The following WDR93 variants were observed in gnomAD, a reference collection of about 807,000 sequenced individuals.
The protein encoded by WDR93 is WD repeat-containing protein 93.
WDR93 carries 73 observed loss-of-function variants against 82.9 expected under a neutral mutation model. That is an observed-to-expected ratio of 0.88 (90% CI 0.73 to 1.07). WDR93 has a LOEUF of 1.07. WDR93 is among the 50% of genes least tolerant of loss of function. The pLI, the probability that WDR93 is intolerant of heterozygous loss-of-function variation, is 0.00. For synonymous variants in WDR93, 283 were observed against 300.1 expected, an observed-to-expected ratio of 0.94 and a Z score of 0.59; for missense variants, 738 against 826.0, an observed-to-expected ratio of 0.89 and a Z score of 1.31.
intron 4 of WDR93, among the ~76,000 whole-genome samples, chr15:89,709,977 G>A (rs962219249): frequency 3.9e-5 from 6 of 152,054 alleles, no homozygotes; most frequent in African/African-American, 7.2e-5. Context: ...TGGCTAACAC[G>A]GTGAAACCCC....
intron 4 of WDR93, among the ~76,000 whole-genome samples, chr15:89,709,320 G>T (rs1326373428): frequency 6.6e-6 from 1 of 151,880 alleles, no homozygotes; most frequent in Non-Finnish European, 1.5e-5. Context: ...GCAGGGTGGG[G>T]GTGATTTATT....
chr15:89,714,528 G>A (rs544664586), intron 5 of WDR93, among the ~76,000 whole-genome samples: 21 of 152,134 alleles, frequency 1.4e-4, no homozygotes, highest in Admixed American at 3.3e-4. Context: ...GTTTCACCAT[G>A]TTGGCCAGGC....
chr15:89,730,705 G>C (rs1033209500), intron 11 of WDR93, among the ~76,000 whole-genome samples: 3 of 152,102 alleles, frequency 2.0e-5, no homozygotes, highest in Non-Finnish European at 2.9e-5. Flanking sequence ...AAACCAGTCT[G>C]GGCAACATAG....
intron 16 of WDR93, among the ~76,000 whole-genome samples, chr15:89,740,234 C>A (rs1481876270): frequency 6.6e-6 from 1 of 152,188 alleles, no homozygotes; most frequent in African/African-American, 2.4e-5. Context: ...AACATTACCA[C>A]TAGGTGGCAC....
chr15:89,711,879 T>A, intron 4 of WDR93, 147 bp from the exon 5 acceptor site: 1 of 462,828 alleles, frequency 2.2e-6, no homozygotes, highest in Non-Finnish European at 3.8e-6. Flanking sequence ...TGTACAAAAA[T>A]GGGAAGTATG....
intron 5 of WDR93, among the ~76,000 whole-genome samples, 157 bp from the exon 6 acceptor site, chr15:89,714,823 A>G (rs912702631): frequency 2.0e-5 from 3 of 152,178 alleles, no homozygotes; most frequent in African/African-American, 7.2e-5. Context: ...TGCAATAACC[A>G]TTGCAGAACT....
chr15:89,709,465 AAAC>A (rs1346550815), intron 4 of WDR93, among the ~76,000 whole-genome samples: 3 of 152,046 alleles, frequency 2.0e-5, no homozygotes, highest in South Asian at 2.1e-4. Flanking sequence ...GAAAATGTAA[AAAC>A]AAGCCAAAGA....
chr15:89,718,420 G>C (rs920125543), intron 7 of WDR93, among the ~76,000 whole-genome samples: 4 of 150,640 alleles, frequency 2.7e-5, no homozygotes, highest in African/African-American at 9.8e-5. Flanking sequence ...GTTGCAGTGA[G>C]CCGAGATCAC....
At position 89,711,774 on chromosome 15, in the gene WDR93, G is replaced by T. The variant is rs184935991; in HGVS notation, c.562-252G>T. Reference sequence around the variant, plus strand: ...GAGGAGATCCAATAGTATGCCAGATGTCACCAGGAGCATTTAAGAAACCAG... The same window carrying T: ...GAGGAGATCCAATAGTATGCCAGATTTCACCAGGAGCATTTAAGAAACCAG... On this transcript the variant is annotated intron_variant, in intron 4 of 16. Coordinates refer to ENST00000268130, the MANE Select transcript of WDR93 (RefSeq NM_020212.2). 1.3e-3 allele frequency among the ~76,000 whole-genome samples: 195 copies of T among 152,324 alleles called. 1 individual carries two copies. The highest frequency in any genetic ancestry group is 4.4e-3 in the African/African-American group (183 of 41,580).
At position 89,743,365 on chromosome 15, in the gene WDR93, C is replaced by T. The variant is rs2141741263; in HGVS notation, c.2035C>T (p.Leu679Phe). ...WARLQRYSLS[L>F]QRENFKK ...CCGGCTTCAGAGGTACTCCTTGTCGCTCCAGAGAGAGAACTTCAAGAAGTG... is the reference window on the plus strand; with the variant it reads ...CCGGCTTCAGAGGTACTCCTTGTCGTTCCAGAGAGAGAACTTCAAGAAGTG... The change falls in exon 17 of 17, where the codon CTC becomes TTC. Residue 679 changes from leucine (L) to phenylalanine (F), a missense_variant. Physicochemically the swap from Leu to Phe is conservative, Grantham distance 22. Coordinates refer to ENST00000268130, the MANE Select transcript of WDR93 (RefSeq NM_020212.2). 6.2e-7 allele frequency: 1 copy of T among 1,614,178 alleles called. No homozygotes were observed.
intron 1 of WDR93, among the ~76,000 whole-genome samples, chr15:89,692,850 C>G (rs557431378): frequency 1.3e-5 from 2 of 152,268 alleles, no homozygotes; most frequent in South Asian, 2.1e-4. Flanking sequence ...TCAGGTGATC[C>G]ACCTACCTCG....
At chr15:89,697,398 G>GA (rs1194529500) in intron 1 of WDR93, among the ~76,000 whole-genome samples, 1 of 152,166 alleles carries the variant, frequency 6.6e-6, no homozygotes, top group Non-Finnish European at 1.5e-5. Flanking sequence ...GGGTTATTAA[G>GA]AAGCGTGTTA....
chr15:89,743,177 G>A, intron 16 of WDR93, 115 bp from the exon 17 acceptor site: 2 of 975,590 alleles, frequency 2.1e-6, no homozygotes, highest in Non-Finnish European at 3.2e-6. Context: ...GGCGATGCAG[G>A]TGTGTCCTCT....
chr15:89,737,821 C>T (rs1174899866), intron 15 of WDR93, 92 bp downstream of exon 15: 1 of 1,545,736 alleles, frequency 6.5e-7, no homozygotes, highest in Non-Finnish European at 8.8e-7. Flanking sequence ...CTCCTCCCCA[C>T]TCTGTGTCCC....
In WDR93 at chr15:89,737,318, A is replaced by T. The variant is rs552955617; in HGVS notation, c.1609-255A>T. On this transcript the variant is annotated intron_variant, in intron 14 of 16. Coordinates refer to ENST00000268130, the MANE Select transcript of WDR93 (RefSeq NM_020212.2). Reference sequence around the variant, plus strand: ...CAGAGAAGCAGAGAACTTGGAAGAGAGGCTGGGAAAAAGGGGAGGAATGCA... The same window carrying T: ...CAGAGAAGCAGAGAACTTGGAAGAGTGGCTGGGAAAAAGGGGAGGAATGCA... 2.0e-5 allele frequency among the ~76,000 whole-genome samples: 3 copies of T among 152,246 alleles called. No individual in the cohort carries two copies. The South Asian group carries it at 6.2e-4, about 32-fold the overall frequency.
intron 12 of WDR93, 82 bp downstream of exon 12, chr15:89,731,644 C>G: frequency 6.3e-7 from 1 of 1,580,780 alleles, no homozygotes; most frequent in East Asian, 2.2e-5. Context: ...TCCCACAGGC[C>G]CTGGGCCTTC....
Position 89,743,484 on chromosome 15 carries a change from C to T in WDR93, c.*93C>T. 8.5e-7 allele frequency: 1 copy of T among 1,179,134 alleles called. No homozygotes were observed. The highest frequency in any genetic ancestry group is 1.2e-6 in the Non-Finnish European group (1 of 809,538). 73.0% of individuals were successfully genotyped at this position (1,179,134 alleles called of 1,614,324 possible). A position where few individuals can be genotyped will look rare whatever the true frequency, so the allele number is the denominator to read the frequency against. On this transcript the variant is annotated 3_prime_UTR_variant, in exon 17 of 17. Transcript: ENST00000268130. ...GAGGCCAAGAGAAATGTAACAGAGC[C>T]ACAGCTCCACAGGCCTGCACTCGGA...
At chr15:89,726,471 G>C (rs148917781) in intron 8 of WDR93, among the ~76,000 whole-genome samples, 1 of 152,216 alleles carries the variant, frequency 6.6e-6, no homozygotes, top group Admixed American at 6.5e-5. Flanking sequence ...TGTCTCTGAG[G>C]AAGCAGTCAA....
rs550574449 is a variant in WDR93 at position 89,737,726 on chromosome 15, C to T, written c.1762C>T (p.Arg588Ter). Residue 588 changes from arginine to a stop codon, truncating the protein, a stop_gained, in exon 15 of 17, where the codon CGA (arginine) becomes TGA (stop). Coordinates refer to ENST00000268130, the MANE Select transcript of WDR93 (RefSeq NM_020212.2). LOFTEE classifies it high-confidence loss of function. ...VSPDHPCFLL[R>*]GDYSHETAST... ...TCCAGACCATCCATGTTTCCTGCTC[C>T]GAGGTACAGAAAGGGACCAGGGCTG... The T allele has an allele frequency of 1.1e-5, 18 of 1,614,176 alleles. No individual in the cohort carries two copies. Among genetic ancestry groups the T allele is most frequent in the Middle Eastern group, 1.6e-4 (1 of 6,062 alleles).
Sources: gnomAD v4.1 joint callset for allele counts (sites outside exome capture counted in the v4.1 genomes callset) on GRCh38, gnomAD v4.1.1 for gene constraint, MANE v1.5 for transcripts, NCBI Gene and HGNC (gene_info 2026-07-23, HGNC 2026-07-21) for gene names.